SH3RF3: variants seen among roughly 807,000 people sequenced by gnomAD.
SH3RF3 encodes the protein E3 ubiquitin-protein ligase SH3RF3.
Under a neutral mutation model 66.3 loss-of-function variants are expected in SH3RF3, and 29 were observed. The ratio of observed to expected loss-of-function variants is 0.44; its 90% confidence interval spans 0.33 to 0.60. The LOEUF is 0.60. Ranked by LOEUF, SH3RF3 falls within the 20% of genes least tolerant of loss-of-function variation. The pLI is 0.04. For synonymous variants in SH3RF3, 583 were observed against 532.0 expected (o/e 1.10, Z -1.32); for missense variants, 1,194 against 1,190.9 (o/e 1.00, Z -0.04).
At chr2:109,387,987 G>A (rs4470370) in intron 3 of SH3RF3, among the ~76,000 whole-genome samples, 78,995 of 151,568 alleles carry the variant, frequency 0.52, 21,040 homozygotes, top group South Asian at 0.61. Flanking sequence ...GGGACTCCTC[G>A]GTCCCTGTTC....
Position 109,354,707 on chromosome 2 carries a change from G to T in SH3RF3, c.849+6758G>T, listed in dbSNP as rs1208289151. 1.3e-5 allele frequency among the ~76,000 whole-genome samples: 2 copies of T among 152,256 alleles called. 1 individual carries two copies. The highest frequency in any genetic ancestry group is 1.3e-4 in the Admixed American group (2 of 15,290). On this transcript the variant is annotated intron_variant, in intron 2 of 9. Transcript: ENST00000309415. ...GCCACCTCCAGTGGCATCCTAAAGG[G>T]ACAGGGAAGGCGAGCGTCGGCACCC...
intron 1 of SH3RF3, among the ~76,000 whole-genome samples, chr2:109,195,929 A>G (rs1358308540): frequency 6.6e-6 from 1 of 151,932 alleles, no homozygotes; most frequent in Non-Finnish European, 1.5e-5. Flanking sequence ...CTGACTGAGC[A>G]CCTCGCCCTG....
chr2:109,249,587 T>TTCCTTC (rs1680031195), intron 1 of SH3RF3, among the ~76,000 whole-genome samples: 1 of 135,906 alleles, frequency 7.4e-6, no homozygotes, highest in Non-Finnish European at 1.6e-5. Flanking sequence ...TTCCTTCCTT[T>TTCCTTC]CCTTTCTTTC....
At chr2:109,490,536 CCT>C in intron 8 of SH3RF3, 67 bp from the exon 9 acceptor site, 1 of 1,248,850 alleles carries the variant, frequency 8.0e-7, no homozygotes, top group Non-Finnish European at 1.0e-6. Context: ...GATGCATTCC[CCT>C]CTCTCTGACA....
intron 2 of SH3RF3, among the ~76,000 whole-genome samples, chr2:109,369,544 C>A (rs538474606): frequency 6.6e-6 from 1 of 152,098 alleles, no homozygotes; most frequent in East Asian, 1.9e-4. Context: ...AGTCATAAAT[C>A]TTTTTGGTTT....
chr2:109,134,717 T>TTAC (rs1387824803), intron 1 of SH3RF3, among the ~76,000 whole-genome samples: 3 of 152,158 alleles, frequency 2.0e-5, no homozygotes, highest in African/African-American at 7.2e-5. Context: ...AAGAGTCCTC[T>TTAC]TACTCTACCA....
intron 1 of SH3RF3, among the ~76,000 whole-genome samples, chr2:109,197,655 G>C (rs185775878): frequency 2.0e-5 from 3 of 152,334 alleles, no homozygotes; most frequent in Admixed American, 2.0e-4. Flanking sequence ...CTTTGCATTT[G>C]TGTTTTGTGA....
At chr2:109,228,354 A>G (rs975599220) in intron 1 of SH3RF3, among the ~76,000 whole-genome samples, 1 of 152,146 alleles carries the variant, frequency 6.6e-6, no homozygotes, top group African/African-American at 2.4e-5. Context: ...GATGTTTGGG[A>G]TGTGTGTTCT....
At chr2:109,242,270 C>A (rs1679802635) in intron 1 of SH3RF3, among the ~76,000 whole-genome samples, 2 of 152,124 alleles carry the variant, frequency 1.3e-5, no homozygotes, top group Admixed American at 6.5e-5. Flanking sequence ...GGCATGGGTT[C>A]CCCCTAGCAG....
chr2:109,432,423 C>A, intron 5 of SH3RF3, 78 bp from the exon 6 acceptor site: 2 of 1,559,472 alleles, frequency 1.3e-6, no homozygotes, highest in South Asian at 1.2e-5. Flanking sequence ...CCAAAGACAA[C>A]CTCCCCCCAG....
intron 1 of SH3RF3, among the ~76,000 whole-genome samples, chr2:109,140,553 T>C (rs1419760214): frequency 2.6e-5 from 4 of 152,080 alleles, no homozygotes; most frequent in African/African-American, 7.2e-5. Context: ...GCTAATTTTT[T>C]TGTATTTTTA....
intron 5 of SH3RF3, among the ~76,000 whole-genome samples, chr2:109,423,180 A>C (rs1306480837): frequency 6.6e-6 from 1 of 151,966 alleles, no homozygotes; most frequent in Non-Finnish European, 1.5e-5. Context: ...AGCCCAGAGA[A>C]AGACTTAGGG....
At chr2:109,495,857 G>A (rs1679245597) in intron 9 of SH3RF3, among the ~76,000 whole-genome samples, 1 of 152,056 alleles carries the variant, frequency 6.6e-6, no homozygotes, top group South Asian at 2.1e-4. Flanking sequence ...ACATGTCTGG[G>A]TATAATACTT....
intron 1 of SH3RF3, among the ~76,000 whole-genome samples, chr2:109,205,403 T>TTTTTTG (rs2105085764): frequency 6.6e-6 from 1 of 152,050 alleles, no homozygotes; most frequent in African/African-American, 2.4e-5. Flanking sequence ...GCCTAGATAA[T>TTTTTTG]TTTTTGTTTT....
intron 7 of SH3RF3, among the ~76,000 whole-genome samples, chr2:109,446,119 G>A (rs908776057): frequency 7.9e-5 from 12 of 152,198 alleles, no homozygotes; most frequent in Admixed American, 5.2e-4. Context: ...TGGGGCACCC[G>A]GGGTGGGTGA....
intron 3 of SH3RF3, among the ~76,000 whole-genome samples, chr2:109,376,639 A>G (rs1683391927): frequency 6.6e-6 from 1 of 152,216 alleles, no homozygotes; most frequent in Admixed American, 6.5e-5. Flanking sequence ...CCCAGATCTC[A>G]AGGAACCAAC....
At chr2:109,142,734 G>T (rs374569506) in intron 1 of SH3RF3, among the ~76,000 whole-genome samples, 14 of 152,184 alleles carry the variant, frequency 9.2e-5, no homozygotes, top group African/African-American at 2.7e-4. Flanking sequence ...CTGATCGTTG[G>T]TGTCCTCTGG....
chr2:109,253,764 CTT>C (rs140915483), intron 1 of SH3RF3, among the ~76,000 whole-genome samples: 3,282 of 152,204 alleles, frequency 0.022, 113 homozygotes, highest in African/African-American at 0.073. Flanking sequence ...CATGATTTCT[CTT>C]TGATTTAGAT....
intron 1 of SH3RF3, among the ~76,000 whole-genome samples, chr2:109,331,815 G>A (rs1354927094): frequency 6.6e-6 from 1 of 152,140 alleles, no homozygotes; most frequent in East Asian, 1.9e-4. Context: ...TAAAAGTCTC[G>A]TGTTCAGATC....
Sources: gnomAD v4.1 joint callset for allele counts (sites outside exome capture counted in the v4.1 genomes callset) on GRCh38, gnomAD v4.1.1 for gene constraint, MANE v1.5 for transcripts, NCBI Gene and HGNC (gene_info 2026-07-23, HGNC 2026-07-21) for gene names.